Variants in USP9X observed in about 807,000 individuals in gnomAD.
USP9X encodes ubiquitin carboxyl-terminal hydrolase 9X.
In USP9X, 7 loss-of-function variants were observed where a neutral mutation model predicts 190.3. That is an observed-to-expected ratio of 0.04 (90% CI 0.02 to 0.07). The LOEUF is 0.07. USP9X is among the 10% of genes least tolerant of loss of function. The pLI is 1.00. For synonymous variants in USP9X, 645 were observed against 659.5 expected, an observed-to-expected ratio of 0.98 and a Z score of 0.34; for missense variants, 1,010 against 1,916.9, an observed-to-expected ratio of 0.53 and a Z score of 8.83.
chrX:41,190,531 G>T (rs774036561), intron 26 of USP9X, among the ~76,000 whole-genome samples: 16 of 111,801 alleles, frequency 1.4e-4, no homozygotes, highest in Non-Finnish European at 3.0e-4. Flanking sequence ...AATAGGTTTA[G>T]TAAGTCTAAT....
At chrX:41,215,722 A>T (rs1224733613) in intron 34 of USP9X, among the ~76,000 whole-genome samples, 177 bp from the exon 35 acceptor site, 1 of 112,245 alleles carries the variant, frequency 8.9e-6, no homozygotes, top group African/African-American at 3.2e-5. Context: ...GCATATTATT[A>T]ATTTCAGCAT....
intron 21 of USP9X, among the ~76,000 whole-genome samples, chrX:41,182,505 T>G (rs1168757058): frequency 9.0e-6 from 1 of 110,845 alleles, no homozygotes; most frequent in Non-Finnish European, 1.9e-5. Flanking sequence ...ATACAGTGGT[T>G]AAGCATATGA....
At chrX:41,145,386 T>C (rs1404206176) in intron 11 of USP9X, among the ~76,000 whole-genome samples, 4 of 112,285 alleles carry the variant, frequency 3.6e-5, no homozygotes, top group African/African-American at 1.3e-4. Flanking sequence ...CTCATGCTTA[T>C]GTACACCAGG....
intron 1 of USP9X, among the ~76,000 whole-genome samples, chrX:41,097,367 A>G (rs1476061639): frequency 1.8e-5 from 2 of 111,883 alleles, no homozygotes; most frequent in African/African-American, 3.3e-5. Context: ...AAATGTTGAT[A>G]CCTCATTTCT....
At chrX:41,089,914 T>TTTTTTTC (rs1156896011) in intron 1 of USP9X, among the ~76,000 whole-genome samples, 1 of 77,549 alleles carries the variant, frequency 1.3e-5, no homozygotes, top group East Asian at 4.0e-4. Context: ...TTTTTTTTTT[T>TTTTTTTC]TTTTTTTTTT....
chrX:41,105,757 C>T (rs1419320123), intron 1 of USP9X, among the ~76,000 whole-genome samples: 1 of 112,129 alleles, frequency 8.9e-6, no homozygotes, highest in East Asian at 2.8e-4. Context: ...TTTTACATTT[C>T]TTCCAGCAAT....
intron 1 of USP9X, among the ~76,000 whole-genome samples, chrX:41,090,328 AAC>A (rs2061946259): frequency 8.9e-6 from 1 of 111,893 alleles, no homozygotes; most frequent in Non-Finnish European, 1.9e-5. Context: ...TAAAACTTCT[AAC>A]ACTTACCTAT....
chrX:41,209,279 G>A (rs967188009), intron 32 of USP9X, among the ~76,000 whole-genome samples: 3 of 111,754 alleles, frequency 2.7e-5, no homozygotes, highest in Non-Finnish European at 3.8e-5. Flanking sequence ...TAGCTCTTTA[G>A]TTGCCTTTTA....
chrX:41,205,632 G>GT, intron 32 of USP9X, 139 bp downstream of exon 32: 3 of 485,331 alleles, frequency 6.2e-6, no homozygotes, highest in East Asian at 4.7e-5. Context: ...TAATTGGGTG[G>GT]GTTTTTTTTT....
chrX:41,107,636 C>T (rs986004012), intron 1 of USP9X, among the ~76,000 whole-genome samples: 6 of 111,783 alleles, frequency 5.4e-5, no homozygotes, highest in Non-Finnish European at 9.4e-5. Context: ...CCTTTTCTCC[C>T]GTTTCTGGGG....
chrX:41,148,870 A>G (rs1466103425), intron 12 of USP9X, among the ~76,000 whole-genome samples: 1 of 111,932 alleles, frequency 8.9e-6, no homozygotes, highest in Non-Finnish European at 1.9e-5. Context: ...TCGAATGTTA[A>G]AGCTGATAGG....
At position 41,186,617 on chromosome X, in the gene USP9X, G is replaced by A. The variant is rs760555675; in HGVS notation, c.3659G>A (p.Arg1220His). Residue 1220 changes from arginine to histidine, a missense_variant, in exon 24 of 45, where the codon CGT becomes CAT. By Grantham distance (29) the Arg-to-His change is conservative (BLOSUM62 0). Coordinates refer to ENST00000378308, the MANE Select transcript of USP9X (RefSeq NM_001039591.3). ...TGCATGCTTAGAAATGTGTCAGTTCGTCTTGCTCAGCAGATATCTGATGAG... is the reference window on the plus strand; with the variant it reads ...TGCATGCTTAGAAATGTGTCAGTTCATCTTGCTCAGCAGATATCTGATGAG... The part of the protein sequence containing the change: ...SECMLRNVSV[R>H]LAQQISDEAS... 4.1e-6 allele frequency: 5 copies of A among 1,210,883 alleles called. No individual in the cohort carries two copies. Among genetic ancestry groups the A allele is most frequent in the East Asian group, 3.0e-5 (1 of 33,813 alleles).
intron 1 of USP9X, among the ~76,000 whole-genome samples, chrX:41,093,921 C>G (rs2061970995): frequency 8.9e-6 from 1 of 112,001 alleles, no homozygotes; most frequent in Non-Finnish European, 1.9e-5. Context: ...TTTGACTTCT[C>G]TCACATTTTC....
chrX:41,106,299 A>G (rs1482004830), intron 1 of USP9X, among the ~76,000 whole-genome samples: 1 of 110,895 alleles, frequency 9.0e-6, no homozygotes, highest in Admixed American at 9.7e-5. Flanking sequence ...ATTTCATGTT[A>G]ATTCATGTTG....
chrX:41,123,940 G>T lies in USP9X; in HGVS notation c.96+216G>T, dbSNP rs775836206. On this transcript the variant is annotated intron_variant, in intron 2 of 44. Coordinates refer to ENST00000378308, the MANE Select transcript of USP9X (RefSeq NM_001039591.3). ...CACCTGTAATCCCAGCTACTTGGGA[G>T]GCTGAGACAAGAGAATTGCTTGAAC... 2.7e-5 allele frequency among the ~76,000 whole-genome samples: 3 copies of T among 110,840 alleles called. No homozygotes were observed. In the Admixed American group the frequency reaches 2.9e-4, roughly 11 times the overall value.
At chrX:41,207,080 T>A (rs1303321915) in intron 32 of USP9X, among the ~76,000 whole-genome samples, 2 of 7,835 alleles carry the variant, frequency 2.6e-4, no homozygotes, top group African/African-American at 5.5e-4. Flanking sequence ...CTCCCTGGCC[T>A]TTTTTTTTTT....
At chrX:41,190,113 C>G (rs1478851220) in intron 26 of USP9X, among the ~76,000 whole-genome samples, 1 of 111,771 alleles carries the variant, frequency 8.9e-6, no homozygotes, top group Non-Finnish European at 1.9e-5. Flanking sequence ...CTTGTTTTAT[C>G]TGTATTTTGT....
intron 1 of USP9X, among the ~76,000 whole-genome samples, chrX:41,103,675 C>T (rs745778651): frequency 4.5e-5 from 5 of 111,962 alleles, no homozygotes; most frequent in Non-Finnish European, 9.4e-5. Flanking sequence ...AATTTCATTT[C>T]TGCATTTATT....
At position 41,214,425 on chromosome X, in the gene USP9X, G is replaced by A. The variant is rs147311428; in HGVS notation, c.5190-143G>A. On this transcript the variant is annotated intron_variant, in intron 33 of 44. Transcript: ENST00000378308. The stretch of plus-strand genomic sequence containing the variant: ...ACCAACATGGCACATGTATACATAT[G>A]TAACAAACCTGCACGTTGTGGACAT... 1,089 of 525,904 alleles carry A rather than the reference G, an allele frequency of 2.1e-3. 10 individuals carry two copies. In the African/African-American group the frequency reaches 0.023, roughly 11 times the overall value. The allele number at this position is 525,904 out of a possible 1,213,427, so 43.3% of individuals were successfully genotyped here.
Sources: allele counts gnomAD v4.1 joint callset (sites outside exome capture counted in the v4.1 genomes callset), GRCh38; gene constraint gnomAD v4.1.1; transcripts MANE v1.5; gene names NCBI Gene and HGNC (gene_info 2026-07-23, HGNC 2026-07-21).